The following WWOX variants were observed in gnomAD, a reference collection of about 807,000 sequenced individuals.
WWOX encodes WW domain-containing oxidoreductase.
In WWOX, 69 loss-of-function variants were observed where a neutral mutation model predicts 46.2. That is an observed-to-expected ratio of 1.49 (90% confidence interval 1.23 to 1.82). WWOX has a LOEUF of 1.82. Ranked by LOEUF, WWOX falls within the 40% of genes most tolerant of loss-of-function variation. WWOX has a pLI of 0.00. For missense variants in WWOX, 919 were observed against 542.6 expected (o/e 1.69, Z -6.89); for synonymous variants, 359 against 202.6 (o/e 1.77, Z -6.56).
chr16:78,917,048 C>G (rs973165275), intron 8 of WWOX, among the ~76,000 whole-genome samples: 3 of 152,172 alleles, frequency 2.0e-5, no homozygotes, highest in Admixed American at 6.5e-5. Context: ...CAAATGTTGA[C>G]TCTTCTAAAC....
intron 8 of WWOX, among the ~76,000 whole-genome samples, chr16:79,010,305 T>G (rs887333208): frequency 5.3e-5 from 8 of 152,142 alleles, no homozygotes; most frequent in African/African-American, 1.7e-4. Context: ...GAGAGTGGCG[T>G]GTGCTGAGGG....
intron 8 of WWOX, among the ~76,000 whole-genome samples, chr16:79,096,042 AT>A (rs2049065168): frequency 1.7e-5 from 1 of 59,060 alleles, no homozygotes; most frequent in Admixed American, 1.9e-4. Context: ...TTTTTTTGGT[AT>A]TTTTGGTAAA....
At chr16:78,617,803 A>G (rs538443888) in intron 8 of WWOX, among the ~76,000 whole-genome samples, 8 of 152,094 alleles carry the variant, frequency 5.3e-5, no homozygotes, top group African/African-American at 1.9e-4. Flanking sequence ...CATCCCAGGA[A>G]CTCCGTTAAT....
chr16:78,868,519 T>C (rs1006378288), intron 8 of WWOX, among the ~76,000 whole-genome samples: 3 of 152,208 alleles, frequency 2.0e-5, no homozygotes, highest in Non-Finnish European at 2.9e-5. Context: ...AATCATATGG[T>C]ATGTGAATTT....
At chr16:78,430,243 A>C (rs1293211774) in intron 7 of WWOX, among the ~76,000 whole-genome samples, 1 of 152,106 alleles carries the variant, frequency 6.6e-6, no homozygotes, top group Non-Finnish European at 1.5e-5. Flanking sequence ...GTATGGGAGA[A>C]AGCACCCCCA....
intron 4 of WWOX, among the ~76,000 whole-genome samples, chr16:78,160,967 C>A (rs1262860001): frequency 6.6e-6 from 1 of 151,804 alleles, no homozygotes; most frequent in African/African-American, 2.4e-5. Context: ...TTATTAAGTA[C>A]ATATAAATTT....
intron 5 of WWOX, among the ~76,000 whole-genome samples, chr16:78,253,091 AAGT>A (rs1413906410): frequency 3.3e-5 from 5 of 152,188 alleles, no homozygotes. Flanking sequence ...TTTTGCAAGA[AAGT>A]AAAGATGAAT....
chr16:78,681,663 C>T (rs925763308), intron 8 of WWOX, among the ~76,000 whole-genome samples: 20 of 152,266 alleles, frequency 1.3e-4, no homozygotes, highest in Middle Eastern at 6.8e-3. Flanking sequence ...CAGGGGAATC[C>T]TGAATTACAG....
chr16:79,073,017 A>C lies in WWOX; in HGVS notation c.1057-138591A>C, dbSNP rs560074954. The stretch of plus-strand genomic sequence containing the variant: ...TGCTTCCATGTGGCTGTTCATCAGC[A>C]CACCCATATCTAGACGTGTGCTAGC... On this transcript the variant is annotated intron_variant, in intron 8 of 8. Transcript: ENST00000566780. Among the ~76,000 whole-genome samples the C allele has an allele frequency of 1.1e-3, 170 of 152,230 alleles. No homozygotes were observed. The Middle Eastern group carries it at 0.017, about 15-fold the overall frequency.
intron 8 of WWOX, among the ~76,000 whole-genome samples, chr16:78,786,673 C>T (rs913656341): frequency 2.0e-5 from 3 of 152,014 alleles, no homozygotes; most frequent in Non-Finnish European, 2.9e-5. Flanking sequence ...TTTTTGTCCC[C>T]GTAAAAGTAA....
At chr16:79,193,668 T>A (rs1203406101) in intron 8 of WWOX, among the ~76,000 whole-genome samples, 1 of 152,220 alleles carries the variant, frequency 6.6e-6, no homozygotes, top group South Asian at 2.1e-4. Context: ...GCCGGTCACC[T>A]AGCCAGCAAA....
intron 8 of WWOX, among the ~76,000 whole-genome samples, chr16:79,104,736 C>A (rs1288225692): frequency 6.6e-6 from 1 of 152,084 alleles, no homozygotes; most frequent in South Asian, 2.1e-4. Context: ...AGCATGAGTC[C>A]TTTTCAGAGA....
At chr16:78,819,179 C>T (rs1323888706) in intron 8 of WWOX, among the ~76,000 whole-genome samples, 1 of 152,194 alleles carries the variant, frequency 6.6e-6, no homozygotes, top group East Asian at 1.9e-4. Context: ...ATCTTCTCAG[C>T]CCCATCAGGT....
intron 8 of WWOX, among the ~76,000 whole-genome samples, chr16:79,039,749 A>G (rs959127207): frequency 5.9e-5 from 9 of 152,312 alleles, no homozygotes; most frequent in African/African-American, 1.9e-4. Context: ...TCTTAGTTTC[A>G]GTGGCTCTGA....
chr16:79,093,668 C>A (rs1045242840), intron 8 of WWOX, among the ~76,000 whole-genome samples: 1 of 152,206 alleles, frequency 6.6e-6, no homozygotes, highest in Non-Finnish European at 1.5e-5. Flanking sequence ...CCGCACACTT[C>A]CTGTCGAGGC....
intron 8 of WWOX, among the ~76,000 whole-genome samples, chr16:79,174,706 C>G (rs1475987694): frequency 2.6e-5 from 4 of 152,126 alleles, no homozygotes; most frequent in Admixed American, 6.5e-5. Flanking sequence ...GCCCTAAGCA[C>G]TGAGGTGAAA....
chr16:78,976,610 A>G (rs945053064), intron 8 of WWOX, among the ~76,000 whole-genome samples: 5 of 152,224 alleles, frequency 3.3e-5, no homozygotes, highest in Non-Finnish European at 7.3e-5. Flanking sequence ...TGCGTTTCCA[A>G]GCCTGAACAT....
At chr16:78,506,462 G>C (rs527685366) in intron 8 of WWOX, 1 of 152,354 alleles carries the variant, frequency 6.6e-6, no homozygotes, top group South Asian at 2.1e-4. Context: ...GGTATATTCA[G>C]AGTCTCCAAG....
chr16:78,769,086 C>G (rs1384460876), intron 8 of WWOX, among the ~76,000 whole-genome samples: 1 of 152,126 alleles, frequency 6.6e-6, no homozygotes, highest in Non-Finnish European at 1.5e-5. Context: ...ACAAGGCCAT[C>G]TTTATAAGGC....
Sources: gnomAD v4.1 joint callset for allele counts (sites outside exome capture counted in the v4.1 genomes callset) on GRCh38, gnomAD v4.1.1 for gene constraint, MANE v1.5 for transcripts, NCBI Gene and HGNC (gene_info 2026-07-23, HGNC 2026-07-21) for gene names.